Variants in ARNT2 observed in about 807,000 individuals in gnomAD.
ARNT2 encodes the protein aryl hydrocarbon receptor nuclear translocator 2, also known as ARNT protein 2.
A neutral mutation model predicts 91.7 loss-of-function variants in ARNT2; 36 were observed. The observed-to-expected ratio is 0.39, with a 90% CI of 0.30 to 0.52. ARNT2 has a LOEUF of 0.52. Among genes scored for constraint, ARNT2 ranks in the 20% least tolerant of loss-of-function variants. ARNT2 has a pLI of 0.72. For synonymous variants in ARNT2, 365 were observed against 347.1 expected (o/e 1.05, Z -0.57); for missense variants, 775 against 939.3 (o/e 0.83, Z 2.29).
chr15:80,416,719 T>C (rs1895790885), intron 1 of ARNT2, among the ~76,000 whole-genome samples: 1 of 152,234 alleles, frequency 6.6e-6, no homozygotes, highest in Non-Finnish European at 1.5e-5. Flanking sequence ...AATTTGGTTT[T>C]GTCTGATGTT....
intron 8 of ARNT2, among the ~76,000 whole-genome samples, chr15:80,543,785 C>T (rs1897949018): frequency 6.6e-6 from 1 of 152,120 alleles, no homozygotes; most frequent in South Asian, 2.1e-4. Context: ...CAGAGTCTCA[C>T]TTTGTTGTAC....
At chr15:80,511,086 T>C (rs1294873091) in intron 6 of ARNT2, among the ~76,000 whole-genome samples, 3 of 152,170 alleles carry the variant, frequency 2.0e-5, no homozygotes, top group Non-Finnish European at 4.4e-5. Context: ...CATATGTTTA[T>C]TGCAGCACTA....
At chr15:80,509,458 A>AAATAATAATAAT (rs142269366) in intron 6 of ARNT2, among the ~76,000 whole-genome samples, 1 of 151,396 alleles carries the variant, frequency 6.6e-6, no homozygotes, top group African/African-American at 2.4e-5. Context: ...AAAGAGACTA[A>AAATAATAATAAT]AATAATAATA....
intron 8 of ARNT2, 106 bp from the exon 9 acceptor site, chr15:80,551,093 C>A: frequency 1.8e-6 from 2 of 1,107,642 alleles, no homozygotes; most frequent in Non-Finnish European, 2.7e-6. Flanking sequence ...CCTGCATGGC[C>A]AACACTCACT....
chr15:80,459,945 G>A (rs1168589148), intron 3 of ARNT2, among the ~76,000 whole-genome samples: 2 of 152,208 alleles, frequency 1.3e-5, no homozygotes, highest in East Asian at 1.9e-4. Flanking sequence ...TGGGAGAGAC[G>A]ACTGAGTCCA....
intron 2 of ARNT2, among the ~76,000 whole-genome samples, chr15:80,452,207 A>G (rs2141381458): frequency 6.6e-6 from 1 of 152,310 alleles, no homozygotes; most frequent in East Asian, 1.9e-4. Context: ...ATGATGAGGG[A>G]GAGGGTTAAA....
intron 11 of ARNT2, among the ~76,000 whole-genome samples, chr15:80,558,635 C>T (rs571419727): frequency 5.9e-4 from 90 of 152,234 alleles, no homozygotes; most frequent in South Asian, 1.7e-3. Context: ...CTACCGTGCC[C>T]GGCCTTCATG....
In ARNT2 at chr15:80,404,481, C is replaced by A; in HGVS notation, c.-35C>A. The A allele has an allele frequency of 8.2e-7, 1 of 1,222,494 alleles. No individual in the cohort carries two copies. Among genetic ancestry groups the A allele is most frequent in the South Asian group, 1.6e-5 (1 of 61,874 alleles). 75.7% of individuals were successfully genotyped at this position (1,222,494 alleles called of 1,614,324 possible). On this transcript the variant is annotated 5_prime_UTR_variant, in exon 1 of 19. Coordinates refer to ENST00000303329, the MANE Select transcript of ARNT2 (RefSeq NM_014862.4). This position sits in a 1 kb window ranked among gnomAD's most constrained non-coding sequence, Gnocchi z 5.5. Reference sequence around the variant, plus strand: ...GGGCTCCGCGCCGCCCCTCCCGCGCCCCTGCCAAGCGGGCGCCTATCCTCT... The same window carrying A: ...GGGCTCCGCGCCGCCCCTCCCGCGCACCTGCCAAGCGGGCGCCTATCCTCT...
At chr15:80,569,976 C>G (rs941755069) in intron 12 of ARNT2, among the ~76,000 whole-genome samples, 12 of 152,240 alleles carry the variant, frequency 7.9e-5, no homozygotes, top group African/African-American at 2.9e-4. Context: ...ACTGCTTCAA[C>G]CCCACAAAAG....
chr15:80,554,882 A>C, intron 10 of ARNT2, 183 bp from the exon 11 acceptor site: 1 of 568,000 alleles, frequency 1.8e-6, no homozygotes, highest in South Asian at 2.5e-5. Flanking sequence ...AGTGAATACC[A>C]AGAAGCCAGT....
chr15:80,507,709 C>T (rs543725616), intron 5 of ARNT2, among the ~76,000 whole-genome samples: 2 of 152,262 alleles, frequency 1.3e-5, no homozygotes, highest in Non-Finnish European at 2.9e-5. Context: ...GAATCGGGAG[C>T]GCTCTGTCCG....
At chr15:80,581,946 G>T (rs1898806318) in intron 17 of ARNT2, among the ~76,000 whole-genome samples, 2 of 152,210 alleles carry the variant, frequency 1.3e-5, no homozygotes, top group Admixed American at 1.3e-4. Flanking sequence ...TCCTCAGCAT[G>T]TCTCCCAGGG....
At chr15:80,502,530 A>G (rs1174788347) in intron 5 of ARNT2, among the ~76,000 whole-genome samples, 1 of 152,208 alleles carries the variant, frequency 6.6e-6, no homozygotes, top group Non-Finnish European at 1.5e-5. Flanking sequence ...GACGAGGTGG[A>G]TGACATGAGT....
chr15:80,485,347 TCATTCATC>T (rs1352135825), intron 5 of ARNT2, among the ~76,000 whole-genome samples: 5 of 152,228 alleles, frequency 3.3e-5, no homozygotes, highest in African/African-American at 1.2e-4. Flanking sequence ...TTTGTTCTAT[TCATTCATC>T]CATTCATCCA....
At chr15:80,478,071 T>C (rs1170102921) in intron 5 of ARNT2, among the ~76,000 whole-genome samples, 1 of 152,212 alleles carries the variant, frequency 6.6e-6, no homozygotes, top group African/African-American at 2.4e-5. Context: ...CTGCCTGAAT[T>C]AGCAAACTCC....
At chr15:80,494,075 T>C (rs1897092275) in intron 5 of ARNT2, among the ~76,000 whole-genome samples, 1 of 152,216 alleles carries the variant, frequency 6.6e-6, no homozygotes, top group Non-Finnish European at 1.5e-5. Context: ...TGCAGAACCA[T>C]GAACCCAATA....
chr15:80,433,257 AT>A (rs1555455373), intron 1 of ARNT2, among the ~76,000 whole-genome samples: 1 of 126,220 alleles, frequency 7.9e-6, no homozygotes, highest in African/African-American at 3.1e-5. Flanking sequence ...ATTTTATTTT[AT>A]TTTATTTTAT....
At chr15:80,562,951 A>G (rs1898394463) in intron 11 of ARNT2, 137 bp from the exon 12 acceptor site, 1 of 923,110 alleles carries the variant, frequency 1.1e-6, no homozygotes, top group Admixed American at 1.9e-5. Context: ...TCCCTCTCTT[A>G]CTGTCTTTTA....
chr15:80,535,763 C>T (rs1306050403), intron 8 of ARNT2, among the ~76,000 whole-genome samples: 2 of 151,278 alleles, frequency 1.3e-5, no homozygotes, highest in African/African-American at 2.4e-5. Context: ...ATAAAAGGCC[C>T]CGGACATGCT....
Sources: gnomAD v4.1 joint callset for allele counts (sites outside exome capture counted in the v4.1 genomes callset) on GRCh38, gnomAD v4.1.1 for gene constraint, Gnocchi (gnomAD v3.1) non-coding constraint, MANE v1.5 for transcripts, NCBI Gene and HGNC (gene_info 2026-07-23, HGNC 2026-07-21) for gene names.